SREBF2: variants seen among roughly 807,000 people sequenced by gnomAD.
SREBF2 encodes the protein sterol regulatory element binding transcription factor 2.
SREBF2 carries 55 observed loss-of-function variants against 113.1 expected under a neutral mutation model. The observed-to-expected ratio is 0.49, with a 90% CI of 0.39 to 0.61. The LOEUF is 0.61. SREBF2 is among the 20% of genes least tolerant of loss of function. The pLI, the probability that SREBF2 is intolerant of heterozygous loss-of-function variation, is 0.00. For synonymous variants in SREBF2, 593 were observed against 605.7 expected (o/e 0.98, Z 0.31); for missense variants, 1,349 against 1,487.4 (o/e 0.91, Z 1.53).
intron 11 of SREBF2, among the ~76,000 whole-genome samples, chr22:41,891,993 G>A (rs937097790): frequency 6.6e-6 from 1 of 152,240 alleles, no homozygotes; most frequent in Non-Finnish European, 1.5e-5. Context: ...AGTGACCGGG[G>A]CCCTGGCTCT....
At chr22:41,869,525 C>G (rs1356374906) in intron 3 of SREBF2, among the ~76,000 whole-genome samples, 1 of 151,198 alleles carries the variant, frequency 6.6e-6, no homozygotes, top group Admixed American at 6.6e-5. Context: ...CTCTTGTTGC[C>G]CAGGTTGGAG....
At position 41,905,960 on chromosome 22, in the gene SREBF2, C is replaced by G; in HGVS notation, c.*300C>G. On this transcript the variant is annotated 3_prime_UTR_variant, in exon 19 of 19. Coordinates refer to ENST00000361204, the MANE Select transcript of SREBF2 (RefSeq NM_004599.4). ...CTGCCAAGCCCCTGCCTCCAGCCTT[C>G]CTGAGTTTCTCTCTCCTGAACCCTA... is the stretch of plus-strand genomic sequence containing the variant. The G allele has an allele frequency of 1.6e-6, 1 of 615,428 alleles. No individual in the cohort carries two copies. The highest frequency in any genetic ancestry group is 3.0e-6 in the Non-Finnish European group (1 of 329,518). The allele number at this position is 615,428 out of a possible 1,614,324, so 38.1% of individuals were successfully genotyped here.
chr22:41,841,841 T>A (rs1210614562), intron 1 of SREBF2, among the ~76,000 whole-genome samples: 2 of 152,214 alleles, frequency 1.3e-5, no homozygotes, highest in Admixed American at 6.5e-5. Flanking sequence ...GTAGTTGAGG[T>A]GTAATAGCCA....
intron 9 of SREBF2, among the ~76,000 whole-genome samples, chr22:41,879,233 G>A (rs1250177481): frequency 6.6e-6 from 1 of 152,210 alleles, no homozygotes; most frequent in Non-Finnish European, 1.5e-5. Flanking sequence ...GGAAAGGTTT[G>A]AACTGAATAA....
chr22:41,900,229 CAT>C (rs769744071), intron 15 of SREBF2, 99 bp from the exon 16 acceptor site: 91 of 1,555,588 alleles, frequency 5.8e-5, no homozygotes, highest in Non-Finnish European at 7.1e-5. Flanking sequence ...ATGCACATGT[CAT>C]ATCAGTGTGG....
intron 15 of SREBF2, chr22:41,899,547 G>C: frequency 1.0e-6 from 1 of 992,664 alleles, no homozygotes; most frequent in Non-Finnish European, 1.2e-6. Flanking sequence ...GGAAGGAGCT[G>C]AGAAGAGTGA....
intron 1 of SREBF2, among the ~76,000 whole-genome samples, chr22:41,840,369 T>G (rs1209420655): frequency 1.3e-5 from 2 of 152,198 alleles, no homozygotes; most frequent in Non-Finnish European, 2.9e-5. Flanking sequence ...TGGCTATGGT[T>G]TAGGTCTGCT....
At position 41,877,250 on chromosome 22, in the gene SREBF2, C is replaced by T. The variant is rs1401967432; in HGVS notation, c.1408C>T (p.Pro470Ser). Residue 470 changes from proline (P) to serine (S), a missense_variant, in exon 8 of 19, where the codon CCT becomes TCT. Physicochemically the swap from Pro to Ser is moderately conservative, Grantham distance 74. Transcript: ENST00000361204. ...DAKVKDEPDS[P>S]PVALGMVDRS... Reference sequence around the variant, plus strand: ...GAAGGTCAAAGATGAGCCAGACTCTCCTCCTGTGGCGCTGGGCATGGTAGA... The same window carrying T: ...GAAGGTCAAAGATGAGCCAGACTCTTCTCCTGTGGCGCTGGGCATGGTAGA... 1 of 1,614,232 alleles carries T rather than the reference C, an allele frequency of 6.2e-7. No homozygotes were observed.
chr22:41,873,605 G>A lies in SREBF2; in HGVS notation c.868-193G>A, dbSNP rs1028577475. On this transcript the variant is annotated intron_variant, in intron 4 of 18. Transcript: ENST00000361204. ...GTTTATCAGCAGTGATTCTTGAAGG[G>A]AGGTAGTAACCAAGGTTCCGTGGCT... is the stretch of plus-strand genomic sequence containing the variant. 20 of 618,684 alleles carry A rather than the reference G, an allele frequency of 3.2e-5. No homozygotes were observed. The African/African-American group carries it at 3.7e-4, about 11-fold the overall frequency. The allele number at this position is 618,684 out of a possible 1,614,324, so 38.3% of individuals were successfully genotyped here. A position where few individuals can be genotyped will look rare whatever the true frequency, so the allele number is the denominator to read the frequency against.
At chr22:41,872,809 T>C (rs932793341) in intron 4 of SREBF2, among the ~76,000 whole-genome samples, 2 of 151,906 alleles carry the variant, frequency 1.3e-5, no homozygotes, top group African/African-American at 4.8e-5. Context: ...GAGAATCACT[T>C]GAACCAGGGG....
chr22:41,903,924 C>T (rs1159820359), intron 17 of SREBF2, among the ~76,000 whole-genome samples: 4 of 152,204 alleles, frequency 2.6e-5, no homozygotes, highest in African/African-American at 4.8e-5. Context: ...ACAGTATCAT[C>T]GGAGAGCCAT....
At chr22:41,881,272 C>T (rs990394533) in intron 10 of SREBF2, among the ~76,000 whole-genome samples, 1 of 152,230 alleles carries the variant, frequency 6.6e-6, no homozygotes, top group Non-Finnish European at 1.5e-5. Flanking sequence ...CAGTGTTTTT[C>T]TTTAGTGATA....
In SREBF2 at chr22:41,906,000, CT is replaced by C; in HGVS notation, c.*342del. The C allele has an allele frequency of 1.9e-6, 1 of 533,934 alleles. No homozygotes were observed. The highest frequency in any genetic ancestry group is 3.6e-6 in the Non-Finnish European group (1 of 277,936). The allele number at this position is 533,934 out of a possible 1,614,324, so 33.1% of individuals were successfully genotyped here. On this transcript the variant is annotated 3_prime_UTR_variant, in exon 19 of 19. Transcript: ENST00000361204. ...CCTGAACCCTACTCTCTCCTTTTTG[CT>C]TCCTCAGTTTTTATCAGGCTTTCTC...
chr22:41,866,793 G>C, intron 1 of SREBF2, 38 bp from the exon 2 acceptor site: 1 of 1,609,428 alleles, frequency 6.2e-7, no homozygotes. Context: ...TTCACTTTTT[G>C]GATAGCAATA....
At chr22:41,857,115 A>G (rs184166185) in intron 1 of SREBF2, among the ~76,000 whole-genome samples, 1 of 152,188 alleles carries the variant, frequency 6.6e-6, no homozygotes, top group East Asian at 1.9e-4. Flanking sequence ...CTGTTGGATG[A>G]ACAAGATACT....
At chr22:41,878,377 G>A (rs1005495028) in intron 9 of SREBF2, among the ~76,000 whole-genome samples, 5 of 152,156 alleles carry the variant, frequency 3.3e-5, no homozygotes, top group African/African-American at 1.2e-4. Flanking sequence ...GGGCTTGAGC[G>A]GGGCTGCCAA....
chr22:41,906,063 GC>G lies in SREBF2; in HGVS notation c.*406del. 2.1e-6 allele frequency: 1 copy of G among 467,212 alleles called. No individual in the cohort carries two copies. Among genetic ancestry groups the G allele is most frequent in the Non-Finnish European group, 4.3e-6 (1 of 234,892 alleles). The allele number at this position is 467,212 out of a possible 1,614,324, so 28.9% of individuals were successfully genotyped here. A position where few individuals can be genotyped will look rare whatever the true frequency, so the allele number is the denominator to read the frequency against. On this transcript the variant is annotated 3_prime_UTR_variant, in exon 19 of 19. Coordinates refer to ENST00000361204, the MANE Select transcript of SREBF2 (RefSeq NM_004599.4). ...AGTCTCTGAGCACCAGGGAGCAGTT[GC>G]CCTCAGGCCTGTGCCCAGCATGCCC... is the stretch of plus-strand genomic sequence containing the variant.
intron 3 of SREBF2, 89 bp downstream of exon 3, chr22:41,868,881 C>A: frequency 1.3e-6 from 2 of 1,509,464 alleles, no homozygotes; most frequent in South Asian, 2.4e-5. Flanking sequence ...CTAAGAAGGA[C>A]CAACCAGAGT....
Position 41,905,487 on chromosome 22 carries a change from C to A in SREBF2, c.3253C>A (p.Leu1085Met). 6.3e-7 allele frequency: 1 copy of A among 1,579,752 alleles called. No homozygotes were observed. Among genetic ancestry groups the A allele is most frequent in the Admixed American group, 1.8e-5 (1 of 55,630 alleles). The change falls in exon 19 of 19, where the codon CTG becomes ATG. Residue 1085 changes from leucine to methionine, a missense_variant. Physicochemically the swap from Leu to Met is conservative, Grantham distance 15. Around this residue, in one of 2 missense-constraint regions of SREBF2, gnomAD observed 650 missense variants for 644.1 expected, o/e 1.01. Transcript: ENST00000361204. Reference protein sequence around the residue: ...PGQRERATAILLACRHLPLSF... With the variant: ...PGQRERATAIMLACRHLPLSF... ...CCAGCGAGAGCGGGCCACCGCCATC[C>A]TGCTGGCCTGCCGCCACCTGCCCCT...
Sources: allele counts gnomAD v4.1 joint callset (sites outside exome capture counted in the v4.1 genomes callset), GRCh38; gene constraint gnomAD v4.1.1; regional missense constraint gnomAD v4.1.1; transcripts MANE v1.5; gene names NCBI Gene and HGNC (gene_info 2026-07-23, HGNC 2026-07-21).